The following PRDM1 variants were observed in gnomAD, a reference collection of about 807,000 sequenced individuals.
The protein encoded by PRDM1 is PR/SET domain 1, also known as PR domain zinc finger protein 1.
Under a neutral mutation model 62.8 loss-of-function variants are expected in PRDM1, and 13 were observed. That is an observed-to-expected ratio of 0.21 (90% CI 0.13 to 0.33). The LOEUF (loss-of-function observed/expected upper bound fraction) is 0.33. Among genes scored for constraint, PRDM1 ranks in the 10% least tolerant of loss-of-function variants. The probability of loss-of-function intolerance (pLI) is 1.00; values close to 1 mark genes in which losing one functional copy is unlikely to be tolerated. For missense variants in PRDM1, 895 were observed against 1,058.8 expected, an observed-to-expected ratio of 0.85 and a Z score of 2.15; for synonymous variants, 396 against 417.6, an observed-to-expected ratio of 0.95 and a Z score of 0.63.
At chr6:106,048,216 CAAAAAAAA>C (rs71006668), upstream of PRDM1, among the ~76,000 whole-genome samples, 8 of 110,214 alleles carry the variant, frequency 7.3e-5, no homozygotes, top group East Asian at 7.7e-4. Context: ...CCATCTCTAC[CAAAAAAAA>C]AAAAAAAAAA....
chr6:106,082,621 C>T (rs1001916402), upstream of PRDM1, among the ~76,000 whole-genome samples: 6 of 152,244 alleles, frequency 3.9e-5, no homozygotes, highest in East Asian at 1.2e-3. Flanking sequence ...TTATAAAGTC[C>T]TCTGGAGAAC....
At chr6:105,998,908 TATATATATATATATATATATA>T (rs1562141160) in intron 1 of PRDM1, among the ~76,000 whole-genome samples, 1 of 11,408 alleles carries the variant, frequency 8.8e-5, no homozygotes, top group Non-Finnish European at 1.5e-4. Flanking sequence ...TATATATATA[TATATATATATATATATATATA>T]TATATTTTTT....
chr6:105,998,831 AC>A (rs1486932907), intron 1 of PRDM1, among the ~76,000 whole-genome samples: 1 of 150,570 alleles, frequency 6.6e-6, no homozygotes, highest in Non-Finnish European at 1.5e-5. Flanking sequence ...ATCTTCCCTT[AC>A]TGGGTTACTA....
intron 1 of PRDM1, among the ~76,000 whole-genome samples, chr6:106,068,096 CT>C (rs201806827): frequency 8.3e-4 from 120 of 144,986 alleles, no homozygotes; most frequent in Non-Finnish European, 8.1e-4. Flanking sequence ...CCACCCTGTT[CT>C]TTTTTTTTTT....
upstream of PRDM1, among the ~76,000 whole-genome samples, chr6:106,043,697 G>A (rs1773034715): frequency 2.0e-5 from 3 of 152,008 alleles, 1 homozygote; most frequent in South Asian, 6.2e-4. Context: ...ACCACACCCA[G>A]CTAATTTTGT....
chr6:106,041,833 C>T (rs6908450), intron 1 of PRDM1, among the ~76,000 whole-genome samples: 34,549 of 143,852 alleles, frequency 0.24, 4,796 homozygotes, highest in Non-Finnish European at 0.32. Context: ...TTTTTGAGAC[C>T]GAGTCTCACT....
In PRDM1 at chr6:106,092,327, T is replaced by C. The variant is rs537217045; in HGVS notation, c.292-3288T>C. Among the ~76,000 whole-genome samples, 3 of 152,160 alleles carry C rather than the reference T, an allele frequency of 2.0e-5. No individual in the cohort carries two copies. The South Asian group carries it at 6.2e-4, about 32-fold the overall frequency. On this transcript the variant is annotated intron_variant, in intron 2 of 6. Transcript: ENST00000369096. ...AACTGAGGCCACAGACAGAAACAAA[T>C]CTGCTCAAGTGGTGGAGGGGTCTGC... is the stretch of plus-strand genomic sequence containing the variant.
At chr6:106,056,228 G>A (rs1773264244) in intron 1 of PRDM1, among the ~76,000 whole-genome samples, 1 of 152,108 alleles carries the variant, frequency 6.6e-6, no homozygotes, top group East Asian at 1.9e-4. Flanking sequence ...TTCCCACTCT[G>A]TTGTCCTGCA....
Position 106,109,163 on chromosome 6 carries a change from C to T in PRDM1, c.*1677C>T, listed in dbSNP as rs930557658. On this transcript the variant is annotated 3_prime_UTR_variant, in exon 7 of 7. Transcript: ENST00000369096. ...TTAATACTTGGTGACCTCACAATCACGTCGGTATGATTGGGCACCCTTGCC... is the reference window on the plus strand; with the variant it reads ...TTAATACTTGGTGACCTCACAATCATGTCGGTATGATTGGGCACCCTTGCC... The T allele has an allele frequency of 2.7e-4, 58 of 214,190 alleles. No individual in the cohort carries two copies. Among genetic ancestry groups the T allele is most frequent in the African/African-American group, 1.1e-3 (48 of 43,832 alleles). 13.3% of individuals were successfully genotyped at this position (214,190 alleles called of 1,614,324 possible).
upstream of PRDM1, among the ~76,000 whole-genome samples, chr6:106,043,725 C>T (rs928143878): frequency 3.9e-5 from 6 of 151,928 alleles, no homozygotes; most frequent in African/African-American, 1.5e-4. Flanking sequence ...GTAGAGACGG[C>T]GTTTCTCCCT....
chr6:106,090,068 G>C (rs969417904), intron 2 of PRDM1, among the ~76,000 whole-genome samples: 10 of 152,110 alleles, frequency 6.6e-5, no homozygotes, highest in African/African-American at 2.4e-4. Flanking sequence ...TTAGTTCAAG[G>C]TTCAGAAAGA....
chr6:106,062,822 G>A (rs562895981), intron 1 of PRDM1, among the ~76,000 whole-genome samples: 2 of 152,194 alleles, frequency 1.3e-5, no homozygotes, highest in South Asian at 4.2e-4. Flanking sequence ...CTGATAGGAG[G>A]GTTTGTTGGG....
intron 1 of PRDM1, among the ~76,000 whole-genome samples, chr6:106,032,336 T>TC (rs971799167): frequency 4.6e-5 from 7 of 151,224 alleles, no homozygotes; most frequent in African/African-American, 1.5e-4. Flanking sequence ...TTTTTTTTTT[T>TC]TTTCTTTTTG....
At chr6:106,077,741 G>A (rs1241600430) in intron 1 of PRDM1, among the ~76,000 whole-genome samples, 1 of 152,214 alleles carries the variant, frequency 6.6e-6, no homozygotes, top group Non-Finnish European at 1.5e-5. Context: ...AAGAATGGGG[G>A]AATATCATCA....
Position 106,109,091 on chromosome 6 carries a change from CA to C in PRDM1, c.*1627del, listed in dbSNP as rs36077280. 4,507 of 121,334 alleles carry C rather than the reference CA, an allele frequency of 0.037. 37 individuals are homozygous for C. Among genetic ancestry groups the C allele is most frequent in the African/African-American group, 0.083 (2,205 of 26,676 alleles). The allele number at this position is 121,334 out of a possible 1,614,324, so 7.5% of individuals were successfully genotyped here. On this transcript the variant is annotated 3_prime_UTR_variant, in exon 7 of 7. Coordinates refer to ENST00000369096, the MANE Select transcript of PRDM1 (RefSeq NM_001198.4). Reference sequence around the variant, plus strand: ...GTAAAAGATCTACTTTTTCTAAGGGCAAAAAAAAAAAAAAAAAAAAAAGAAC... The same window carrying C: ...GTAAAAGATCTACTTTTTCTAAGGGCAAAAAAAAAAAAAAAAAAAAAGAAC...
At chr6:106,050,590 T>C (rs1582439373) in intron 1 of PRDM1, among the ~76,000 whole-genome samples, 1 of 152,226 alleles carries the variant, frequency 6.6e-6, no homozygotes, top group Non-Finnish European at 1.5e-5. Flanking sequence ...GCTGTCAGCT[T>C]TCTGCGCGTG....
rs934341191 is a variant in PRDM1 at position 105,994,451 on chromosome 6, A to T, written c.-67+812A>T. 2.0e-5 allele frequency among the ~76,000 whole-genome samples: 3 copies of T among 151,878 alleles called. No individual in the cohort carries two copies. The highest frequency in any genetic ancestry group is 7.3e-5 in the African/African-American group (3 of 41,334). ...AGCGGGGACGCGTGACAGCGCGGGG[A>T]TAGCTTTTCTATTACGTTTCTTGTT... On this transcript the variant is annotated intron_variant, in intron 1 of 6. Transcript: ENST00000652320. The surrounding 1 kb of genome is among the most constrained non-coding windows in gnomAD (Gnocchi z 4.1).
At chr6:106,061,918 T>G (rs1192130977) in intron 1 of PRDM1, among the ~76,000 whole-genome samples, 5 of 152,210 alleles carry the variant, frequency 3.3e-5, no homozygotes, top group Non-Finnish European at 4.4e-5. Flanking sequence ...TTACAAGATA[T>G]ATTCAGGAGA....
At chr6:106,077,488 C>T (rs1025029560) in intron 1 of PRDM1, among the ~76,000 whole-genome samples, 2 of 152,232 alleles carry the variant, frequency 1.3e-5, no homozygotes, top group African/African-American at 4.8e-5. Flanking sequence ...TGTCTGGGGC[C>T]ATGCCTAGCA....
Sources: allele counts gnomAD v4.1 joint callset (sites outside exome capture counted in the v4.1 genomes callset), GRCh38; gene constraint gnomAD v4.1.1; non-coding constraint Gnocchi (gnomAD v3.1); transcripts MANE v1.5; gene names NCBI Gene and HGNC (gene_info 2026-07-23, HGNC 2026-07-21).